The following SOX5 variants were observed in gnomAD, a reference collection of about 807,000 sequenced individuals.
SOX5 encodes SRY-box transcription factor 5.
SOX5 carries 9 observed loss-of-function variants against 92.0 expected under a neutral mutation model. That is an observed-to-expected ratio of 0.10 (90% CI 0.06 to 0.17). SOX5 has a LOEUF of 0.17. Ranked by LOEUF, SOX5 falls within the 10% of genes least tolerant of loss-of-function variation. The pLI is 1.00. For missense variants in SOX5, 642 were observed against 944.5 expected, an observed-to-expected ratio of 0.68 and a Z score of 4.20; for synonymous variants, 344 against 336.3, an observed-to-expected ratio of 1.02 and a Z score of -0.25.
At chr12:23,927,731 A>G (rs1569050604) in intron 1 of SOX5, among the ~76,000 whole-genome samples, 1 of 152,164 alleles carries the variant, frequency 6.6e-6, no homozygotes, top group East Asian at 1.9e-4. Context: ...GTAAGATAGT[A>G]CTTCGGCTTG....
At chr12:24,405,268 A>G (rs905107744) in intron 1 of SOX5, among the ~76,000 whole-genome samples, 13 of 152,222 alleles carry the variant, frequency 8.5e-5, no homozygotes, top group African/African-American at 3.1e-4. Flanking sequence ...AGTTCCAGAA[A>G]GAAGGCAGGC....
At chr12:24,267,356 T>C (rs1943151972) in intron 3 of SOX5, among the ~76,000 whole-genome samples, 1 of 152,206 alleles carries the variant, frequency 6.6e-6, no homozygotes, top group South Asian at 2.1e-4. Context: ...CAATGACTCA[T>C]ACAATGTAAG....
chr12:23,968,586 A>G lies in SOX5; in HGVS notation c.-1-72562T>C, dbSNP rs567077383. 2.3e-3 allele frequency among the ~76,000 whole-genome samples: 356 copies of G among 152,368 alleles called. 1 individual carries two copies. Among genetic ancestry groups the G allele is most frequent in the Non-Finnish European group, 4.3e-3 (291 of 68,036 alleles). On this transcript the variant is annotated intron_variant, in intron 4 of 4. Coordinates refer to the SOX5 transcript ENST00000446891. ...TCTACCCTGAGATGACACAGGAAGA[A>G]GGCCCTCGCCAGATGCTGGCCCCTC...
chr12:24,379,359 T>A (rs1467481015), intron 1 of SOX5, among the ~76,000 whole-genome samples: 3 of 152,214 alleles, frequency 2.0e-5, no homozygotes, highest in Non-Finnish European at 4.4e-5. Flanking sequence ...GGTTTTAGAA[T>A]GTTTCAGGCT....
intron 2 of SOX5, among the ~76,000 whole-genome samples, chr12:23,857,211 A>G (rs2096703241): frequency 6.6e-6 from 1 of 152,214 alleles, no homozygotes; most frequent in African/African-American, 2.4e-5. Context: ...AAGGGTCATG[A>G]AAGTCAAGTA....
rs138465417 is a variant in SOX5, at chr12:24,347,676, A to G, written c.-174+20887T>C. 7.9e-3 allele frequency among the ~76,000 whole-genome samples: 1,208 copies of G among 152,316 alleles called. 7 individuals carry two copies. The highest frequency in any genetic ancestry group is 0.014 in the Non-Finnish European group (974 of 68,030). On this transcript the variant is annotated intron_variant, in intron 2 of 4. Coordinates refer to the SOX5 transcript ENST00000446891. ...CACTTTTTAAAAACATACTTAAGAA[A>G]ATGTATCTAAATGATGACAGCTGCC...
Position 24,324,098 on chromosome 12 carries a change from A to G in SOX5, c.-174+44465T>C, listed in dbSNP as rs147236760. On this transcript the variant is annotated intron_variant, in intron 2 of 4. Transcript: ENST00000446891. ...CGCTGCTAAGAAGTAGAAAGGAAGA[A>G]ATAATTATGGAATTGGGTCTTATAT... Among the ~76,000 whole-genome samples, 385 of 152,306 alleles carry G rather than the reference A, an allele frequency of 2.5e-3. 1 individual carries two copies. Among genetic ancestry groups the G allele is most frequent in the African/African-American group, 8.6e-3 (359 of 41,562 alleles).
At chr12:24,266,913 C>A (rs888488734) in intron 3 of SOX5, among the ~76,000 whole-genome samples, 2 of 152,174 alleles carry the variant, frequency 1.3e-5, no homozygotes, top group African/African-American at 4.8e-5. Context: ...AAAGGACTTT[C>A]AACCCTCCTC....
intron 2 of SOX5, among the ~76,000 whole-genome samples, chr12:24,303,131 C>A (rs558241526): frequency 1.4e-4 from 21 of 152,186 alleles, no homozygotes; most frequent in Non-Finnish European, 2.4e-4. Context: ...CAGCACAACA[C>A]AAATATATAC....
chr12:23,924,427 G>T (rs981568373), intron 1 of SOX5, among the ~76,000 whole-genome samples: 2 of 152,034 alleles, frequency 1.3e-5, no homozygotes, highest in Non-Finnish European at 2.9e-5. Flanking sequence ...ATTTACAAAG[G>T]CCTTATATAA....
intron 1 of SOX5, among the ~76,000 whole-genome samples, chr12:24,511,905 C>A (rs1451396954): frequency 6.6e-6 from 1 of 151,054 alleles, no homozygotes; most frequent in Non-Finnish European, 1.5e-5. Flanking sequence ...TTGAAGTGAG[C>A]CCAGATCGTG....
At chr12:24,150,141 T>C (rs903515394) in intron 4 of SOX5, among the ~76,000 whole-genome samples, 5 of 152,182 alleles carry the variant, frequency 3.3e-5, no homozygotes, top group Non-Finnish European at 7.4e-5. Context: ...TCATTATCAG[T>C]TATATCTCAA....
Position 24,372,976 on chromosome 12 carries a change from G to A in SOX5, c.-250-4337C>T, listed in dbSNP as rs921727271. ...CAAAAAAAAAAAAAAAAAACTGCTGGGTGTGGCGGCACAGGCCTGTGGTCC... is the reference window on the plus strand; with the variant it reads ...CAAAAAAAAAAAAAAAAAACTGCTGAGTGTGGCGGCACAGGCCTGTGGTCC... On this transcript the variant is annotated intron_variant, in intron 1 of 4. Coordinates refer to the SOX5 transcript ENST00000446891. Among the ~76,000 whole-genome samples the A allele has an allele frequency of 4.7e-5, 7 of 148,380 alleles. No individual in the cohort carries two copies. In the East Asian group the frequency reaches 1.4e-3, roughly 29 times the overall value.
At chr12:23,665,303 CCA>C in intron 7 of SOX5, 139 bp downstream of exon 7, 1 of 893,654 alleles carries the variant, frequency 1.1e-6, no homozygotes, top group Non-Finnish European at 1.8e-6. Context: ...ACACACTTCT[CCA>C]CACATTCTGT....
chr12:24,262,794 C>T (rs1183723793), intron 3 of SOX5, among the ~76,000 whole-genome samples: 1 of 152,204 alleles, frequency 6.6e-6, no homozygotes, highest in African/African-American at 2.4e-5. Context: ...CTTTCTGCCT[C>T]CTTTTCCATC....
chr12:23,810,213 C>T (rs2095853245), intron 3 of SOX5, among the ~76,000 whole-genome samples: 1 of 152,070 alleles, frequency 6.6e-6, no homozygotes, highest in Non-Finnish European at 1.5e-5. Context: ...ATTAAGTACA[C>T]CAAAAAGTTA....
At chr12:24,274,445 C>A (rs59564906) in intron 3 of SOX5, among the ~76,000 whole-genome samples, 5,928 of 152,258 alleles carry the variant, frequency 0.039, 401 homozygotes, top group African/African-American at 0.13. Context: ...CCAGTGTCCA[C>A]ATAGTATCCA....
At chr12:23,978,626 T>C (rs1949179667) in intron 4 of SOX5, among the ~76,000 whole-genome samples, 2 of 152,210 alleles carry the variant, frequency 1.3e-5, no homozygotes, top group African/African-American at 4.8e-5. Flanking sequence ...ATTCATTGCC[T>C]TTATCACAAA....
At chr12:24,103,709 C>T (rs918404308) in intron 4 of SOX5, among the ~76,000 whole-genome samples, 1 of 152,104 alleles carries the variant, frequency 6.6e-6, no homozygotes, top group African/African-American at 2.4e-5. Flanking sequence ...GTACATGGAG[C>T]TTTATATAAC....
Sources: allele counts gnomAD v4.1 joint callset (sites outside exome capture counted in the v4.1 genomes callset), GRCh38; gene constraint gnomAD v4.1.1; transcripts MANE v1.5; gene names NCBI Gene and HGNC (gene_info 2026-07-23, HGNC 2026-07-21).